AKAP10: variants seen among roughly 807,000 people sequenced by gnomAD.
The protein encoded by AKAP10 is A-kinase anchoring protein 10.
Under a neutral mutation model 80.8 loss-of-function variants are expected in AKAP10, and 24 were observed. The observed-to-expected ratio is 0.30, with a 90% CI of 0.22 to 0.42. The LOEUF is 0.42. Ranked by LOEUF, AKAP10 falls within the 10% of genes least tolerant of loss-of-function variation. The probability of loss-of-function intolerance (pLI) is 1.00; values close to 1 mark genes in which losing one functional copy is unlikely to be tolerated. For synonymous variants in AKAP10, 291 were observed against 277.7 expected (o/e 1.05, Z -0.48); for missense variants, 661 against 794.9 (o/e 0.83, Z 2.03).
chr17:19,939,239 C>G (rs1205361939), intron 8 of AKAP10, among the ~76,000 whole-genome samples: 1 of 152,052 alleles, frequency 6.6e-6, no homozygotes, highest in Non-Finnish European at 1.5e-5. Flanking sequence ...GTATAATATA[C>G]CCATAAATAG....
rs986321168 is a variant in AKAP10 at position 19,926,929 on chromosome 17, G to A, written c.1642-2412C>T. Among the ~76,000 whole-genome samples the A allele has an allele frequency of 9.2e-5, 14 of 152,014 alleles. No individual in the cohort carries two copies. The South Asian group carries it at 1.2e-3, about 14-fold the overall frequency. Reference sequence around the variant, plus strand: ...TGAGGTCAGGAGTTCAAGACCAGCCGGGTGAACATGGTGAAACACTGTCTC... The same window carrying A: ...TGAGGTCAGGAGTTCAAGACCAGCCAGGTGAACATGGTGAAACACTGTCTC... On this transcript the variant is annotated intron_variant, in intron 10 of 14. Transcript: ENST00000225737.
rs1436315538 is a variant in AKAP10, at chr17:19,946,118, T to C, written c.976+1289A>G. 1.3e-4 allele frequency among the ~76,000 whole-genome samples: 18 copies of C among 134,196 alleles called. No individual in the cohort carries two copies. The South Asian group carries it at 1.8e-3, about 13-fold the overall frequency. 88.0% of individuals were successfully genotyped at this position (134,196 alleles called of 152,430 possible). Reference sequence around the variant, plus strand: ...TTTTTTATTCTAGTATATATATATATACACACACTAATATGTATATTATAT... The same window carrying C: ...TTTTTTATTCTAGTATATATATATACACACACACTAATATGTATATTATAT... On this transcript the variant is annotated intron_variant, in intron 5 of 14. Coordinates refer to ENST00000225737, the MANE Select transcript of AKAP10 (RefSeq NM_007202.4).
rs1411625885 is a variant in AKAP10, at chr17:19,962,289, TACATATACAC to T, written c.319+541_319+550del. On this transcript the variant is annotated intron_variant, in intron 3 of 14. Transcript: ENST00000225737. ...ATACATACATACATACATACATACA[TACATATACAC>T]ACACACACACACACACACACACACA... 3.4e-3 allele frequency among the ~76,000 whole-genome samples: 477 copies of T among 139,798 alleles called. 4 individuals carry two copies. Among genetic ancestry groups the T allele is most frequent in the African/African-American group, 6.4e-3 (237 of 37,308 alleles). The allele number at this position is 139,798 out of a possible 152,430, so 91.7% of individuals were successfully genotyped here.
intron 12 of AKAP10, among the ~76,000 whole-genome samples, chr17:19,917,294 A>G (rs560934181): frequency 6.6e-6 from 1 of 151,988 alleles, no homozygotes; most frequent in African/African-American, 2.4e-5. Context: ...AACAAACAAA[A>G]AAAAACAGCT....
chr17:19,919,234 T>A (rs180856760), intron 12 of AKAP10, among the ~76,000 whole-genome samples: 2 of 152,170 alleles, frequency 1.3e-5, no homozygotes, highest in Non-Finnish European at 2.9e-5. Flanking sequence ...GCTTCATCCA[T>A]GTCCCTACAA....
chr17:19,905,206 T>C lies in AKAP10; in HGVS notation c.*1021A>G, dbSNP rs2042620294. On this transcript the variant is annotated 3_prime_UTR_variant, in exon 15 of 15. Coordinates refer to ENST00000225737, the MANE Select transcript of AKAP10 (RefSeq NM_007202.4). Reference sequence around the variant, plus strand: ...GATGCAGAAGCCAACTGAGCAGAAGTGCAGTGAGTGAGTCTCTTACTATCC... The same window carrying C: ...GATGCAGAAGCCAACTGAGCAGAAGCGCAGTGAGTGAGTCTCTTACTATCC... 1 of 151,974 alleles carries C rather than the reference T, an allele frequency of 6.6e-6. No individual in the cohort carries two copies. The highest frequency in any genetic ancestry group is 2.4e-5 in the African/African-American group (1 of 41,360). The allele number at this position is 151,974 out of a possible 1,614,324, so 9.4% of individuals were successfully genotyped here. A position where few individuals can be genotyped will look rare whatever the true frequency, so the allele number is the denominator to read the frequency against.
At chr17:19,939,637 TA>T (rs1401445640) in intron 8 of AKAP10, 75 bp downstream of exon 8, 1 of 1,517,932 alleles carries the variant, frequency 6.6e-7, no homozygotes, top group Non-Finnish European at 8.9e-7. Flanking sequence ...AGACTGAGTT[TA>T]TTCATCTTTA....
chr17:19,927,134 T>G (rs1386834285), intron 10 of AKAP10, among the ~76,000 whole-genome samples: 1 of 152,102 alleles, frequency 6.6e-6, no homozygotes. Context: ...GCCTAGAGTT[T>G]GAGACCAACT....
At chr17:19,947,576 A>C in intron 4 of AKAP10, 71 bp from the exon 5 acceptor site, 1 of 1,004,616 alleles carries the variant, frequency 1.0e-6, no homozygotes, top group Non-Finnish European at 1.6e-6. Context: ...ATATTCATGA[A>C]TAGCAGGGCT....
chr17:19,940,638 A>C (rs899262935), intron 7 of AKAP10, among the ~76,000 whole-genome samples: 8 of 152,262 alleles, frequency 5.3e-5, no homozygotes, highest in Non-Finnish European at 1.0e-4. Flanking sequence ...AATTAAAAAC[A>C]TGCACTCTCT....
At chr17:19,922,005 G>A (rs2042823095) in intron 11 of AKAP10, among the ~76,000 whole-genome samples, 1 of 152,110 alleles carries the variant, frequency 6.6e-6, no homozygotes, top group African/African-American at 2.4e-5. Flanking sequence ...ATAAAAATAA[G>A]CAAACAAAAG....
chr17:19,944,041 T>C (rs376773303), intron 5 of AKAP10, among the ~76,000 whole-genome samples: 51 of 152,136 alleles, frequency 3.4e-4, no homozygotes, highest in African/African-American at 1.2e-3. Flanking sequence ...ACACCTCTTC[T>C]ATTCTCTTTG....
chr17:19,936,319 A>C lies in AKAP10; in HGVS notation c.1434T>G (p.Thr478=), dbSNP rs754955078. The C allele has an allele frequency of 9.3e-6, 15 of 1,613,884 alleles. No individual in the cohort carries two copies. The East Asian group carries it at 3.3e-4, about 36-fold the overall frequency. ...TGGTTGTCCAGGCCTGACGTAATGG[A>C]GTTGTGAAACAGTTGGGGAGTGGCC... ...EGGPLPNCFT[T]PLRQAWTTME... Residue 478 remains threonine, a synonymous_variant, in exon 9 of 15, where the codon ACT becomes ACG. Transcript: ENST00000225737.
At chr17:19,946,976 G>A (rs2043140678) in intron 5 of AKAP10, among the ~76,000 whole-genome samples, 4 of 152,166 alleles carry the variant, frequency 2.6e-5, no homozygotes, top group South Asian at 4.2e-4. Context: ...CCCACTGGTC[G>A]TGAGACTCTT....
chr17:19,932,202 G>C (rs1400895982), intron 9 of AKAP10, among the ~76,000 whole-genome samples: 1 of 151,966 alleles, frequency 6.6e-6, no homozygotes, highest in Non-Finnish European at 1.5e-5. Flanking sequence ...TGTAATCTCA[G>C]CACTCTAGGA....
chr17:19,909,043 T>A lies in AKAP10; in HGVS notation c.1983+138A>T, dbSNP rs550886942. 3 of 659,594 alleles carry A rather than the reference T, an allele frequency of 4.5e-6. No homozygotes were observed. In the East Asian group the frequency reaches 8.9e-5, roughly 20 times the overall value. 40.9% of individuals were successfully genotyped at this position (659,594 alleles called of 1,614,324 possible). A position where few individuals can be genotyped will look rare whatever the true frequency, so the allele number is the denominator to read the frequency against. On this transcript the variant is annotated intron_variant, in intron 14 of 14. Transcript: ENST00000225737. ...CAGTTGTTTCATTTAGTTTGTCAAT[T>A]TTCTAGTTGCTTATGATAAGAAGGT...
At chr17:19,947,281 A>G in intron 5 of AKAP10, 126 bp downstream of exon 5, 1 of 743,088 alleles carries the variant, frequency 1.3e-6, no homozygotes, top group Non-Finnish European at 2.3e-6. Context: ...ATACTCAGAA[A>G]ACAAATTAGG....
At chr17:19,917,219 C>A (rs533511614) in intron 12 of AKAP10, among the ~76,000 whole-genome samples, 1 of 151,584 alleles carries the variant, frequency 6.6e-6, no homozygotes, top group African/African-American at 2.4e-5. Context: ...GAGCCAAGAT[C>A]GCGCCACAGC....
chr17:19,936,181 C>T, intron 9 of AKAP10, 105 bp downstream of exon 9: 1 of 1,328,030 alleles, frequency 7.5e-7, no homozygotes, highest in Non-Finnish European at 1.0e-6. Context: ...TGCTGGACTG[C>T]TTCAATTTCC....
Sources: allele counts gnomAD v4.1 joint callset (sites outside exome capture counted in the v4.1 genomes callset), GRCh38; gene constraint gnomAD v4.1.1; transcripts MANE v1.5; gene names NCBI Gene and HGNC (gene_info 2026-07-23, HGNC 2026-07-21).